Variants in FHIT observed in about 807,000 individuals in gnomAD.
The protein encoded by FHIT is fragile histidine triad diadenosine triphosphatase, also known as bis(5'-adenosyl)-triphosphatase.
A neutral mutation model predicts 17.9 loss-of-function variants in FHIT; 19 were observed. That is an observed-to-expected ratio of 1.06 (90% CI 0.74 to 1.56). The LOEUF is 1.56. Ranked by LOEUF, FHIT falls within the 40% of genes most tolerant of loss-of-function variation. The probability of loss-of-function intolerance (pLI) is 0.00; values close to 1 mark genes in which losing one functional copy is unlikely to be tolerated. For missense variants in FHIT, 248 were observed against 189.2 expected (o/e 1.31, Z -1.82); for synonymous variants, 81 against 69.7 (o/e 1.16, Z -0.81).
At chr3:59,943,374 C>T (rs762528968) in intron 7 of FHIT, among the ~76,000 whole-genome samples, 13 of 151,830 alleles carry the variant, frequency 8.6e-5, no homozygotes, top group Admixed American at 2.6e-4. Flanking sequence ...AAATCAGCAA[C>T]GAAATTGGAG....
chr3:60,931,366 TA>T (rs1361178441), intron 3 of FHIT, among the ~76,000 whole-genome samples: 2 of 152,098 alleles, frequency 1.3e-5, no homozygotes, highest in Non-Finnish European at 2.9e-5. Flanking sequence ...CAGTATAATT[TA>T]AAAAAATAAT....
intron 1 of FHIT, among the ~76,000 whole-genome samples, chr3:61,201,886 C>T (rs1296844069): frequency 6.6e-6 from 1 of 152,138 alleles, no homozygotes; most frequent in Non-Finnish European, 1.5e-5. Flanking sequence ...TCCCTTTCCA[C>T]TTCAAACACA....
chr3:60,825,851 G>A (rs948239008), intron 3 of FHIT, among the ~76,000 whole-genome samples: 2 of 152,074 alleles, frequency 1.3e-5, no homozygotes, highest in Non-Finnish European at 2.9e-5. Flanking sequence ...TATAAACAAC[G>A]GACTAGTCAA....
chr3:60,037,170 G>T lies in FHIT; in HGVS notation c.104-23018C>A, dbSNP rs186931516. 3.5e-4 allele frequency among the ~76,000 whole-genome samples: 53 copies of T among 152,254 alleles called. 1 individual carries two copies. Among genetic ancestry groups the T allele is most frequent in the African/African-American group, 1.3e-3 (53 of 41,552 alleles). On this transcript the variant is annotated intron_variant, in intron 5 of 9. Transcript: ENST00000492590. ...CGTGAATTTATCTGATTATTATTTT[G>T]CTCCATTTAGCTCATCCAATTCTTT...
intron 5 of FHIT, among the ~76,000 whole-genome samples, chr3:60,441,779 TAAA>T (rs373712445): frequency 2.4e-4 from 5 of 20,420 alleles, no homozygotes; most frequent in South Asian, 5.5e-3. Context: ...TTTATATGTA[TAAA>T]AATATATATA....
chr3:60,744,263 CAAAACAAA>C (rs782054974), intron 4 of FHIT, among the ~76,000 whole-genome samples: 18,102 of 85,746 alleles, frequency 0.21, 1,851 homozygotes, highest in East Asian at 0.59. Flanking sequence ...AAAAACAAAA[CAAAACAAA>C]AAAAAAAAAA....
rs540925198 is a variant in FHIT at position 60,152,397 on chromosome 3, G to C, written c.104-138245C>G. On this transcript the variant is annotated intron_variant, in intron 5 of 9. Coordinates refer to ENST00000492590, the MANE Select transcript of FHIT (RefSeq NM_002012.4). ...TATTACTAATGTGATGCACTAACCA[G>C]AGAGCAGAAACAAATTGAGTTGTTT... is the stretch of plus-strand genomic sequence containing the variant. Among the ~76,000 whole-genome samples, 3 of 152,270 alleles carry C rather than the reference G, an allele frequency of 2.0e-5. No homozygotes were observed. The East Asian group carries it at 5.8e-4, about 29-fold the overall frequency.
chr3:61,057,613 T>C (rs983067653), intron 2 of FHIT, among the ~76,000 whole-genome samples: 1 of 152,200 alleles, frequency 6.6e-6, no homozygotes, highest in Non-Finnish European at 1.5e-5. Flanking sequence ...CCATAAATTA[T>C]GTTACATGTT....
intron 5 of FHIT, among the ~76,000 whole-genome samples, chr3:60,200,932 A>G (rs7614564): frequency 0.15 from 22,625 of 152,080 alleles, 1,860 homozygotes; most frequent in East Asian, 0.34. Context: ...TTCAACAAAC[A>G]TCAACATTTA....
chr3:60,440,147 T>A (rs2030664293), intron 5 of FHIT, among the ~76,000 whole-genome samples: 1 of 152,040 alleles, frequency 6.6e-6, no homozygotes. Flanking sequence ...CACTGAATGG[T>A]TCCTAGGCTT....
At chr3:60,015,727 G>A (rs1700318160) in intron 5 of FHIT, among the ~76,000 whole-genome samples, 1 of 152,164 alleles carries the variant, frequency 6.6e-6, no homozygotes, top group South Asian at 2.1e-4. Flanking sequence ...TTCACACACA[G>A]CAACTCGGTG....
At chr3:59,897,518 G>T (rs544754307) in intron 8 of FHIT, among the ~76,000 whole-genome samples, 35 of 152,272 alleles carry the variant, frequency 2.3e-4, no homozygotes, top group African/African-American at 7.7e-4. Context: ...GACTCTGCCT[G>T]ACTCATCTCT....
At chr3:60,848,275 TA>T (rs1703002581) in intron 3 of FHIT, among the ~76,000 whole-genome samples, 1 of 152,206 alleles carries the variant, frequency 6.6e-6, no homozygotes, top group African/African-American at 2.4e-5. Context: ...ACAGTTCTTC[TA>T]CATTTACAGG....
chr3:60,506,058 T>G (rs530761729), intron 5 of FHIT, among the ~76,000 whole-genome samples: 1 of 152,170 alleles, frequency 6.6e-6, no homozygotes, highest in Non-Finnish European at 1.5e-5. Flanking sequence ...TAGTCTTATT[T>G]TCTTTCAATT....
intron 5 of FHIT, among the ~76,000 whole-genome samples, chr3:60,469,684 T>C (rs415175): frequency 0.51 from 77,547 of 151,880 alleles, 22,432 homozygotes; most frequent in African/African-American, 0.78. Context: ...GTCATGTTTT[T>C]CTGGAAGGTC....
chr3:60,757,341 G>A (rs1315578277), intron 4 of FHIT, among the ~76,000 whole-genome samples: 4 of 152,168 alleles, frequency 2.6e-5, no homozygotes, highest in Non-Finnish European at 5.9e-5. Context: ...ACTTTGTTTT[G>A]TTTACAGTTC....
chr3:60,688,439 T>G (rs1399692103), intron 4 of FHIT, among the ~76,000 whole-genome samples: 3 of 118,864 alleles, frequency 2.5e-5, no homozygotes, highest in East Asian at 4.1e-4. Context: ...TTTTTTTTTG[T>G]TTTTTTTTTT....
chr3:60,720,837 T>C (rs782708498), intron 4 of FHIT, among the ~76,000 whole-genome samples: 51 of 152,244 alleles, frequency 3.3e-4, no homozygotes, highest in Non-Finnish European at 6.2e-4. Context: ...GGGGCAGTAA[T>C]ATGAATACAT....
At chr3:61,203,196 A>AC (rs1159151491) in intron 1 of FHIT, among the ~76,000 whole-genome samples, 2 of 150,596 alleles carry the variant, frequency 1.3e-5, no homozygotes, top group Non-Finnish European at 3.0e-5. Context: ...AAAAAAAAAA[A>AC]AAATTAGCTG....
Sources: allele counts gnomAD v4.1 joint callset (sites outside exome capture counted in the v4.1 genomes callset), GRCh38; gene constraint gnomAD v4.1.1; transcripts MANE v1.5; gene names NCBI Gene and HGNC (gene_info 2026-07-23, HGNC 2026-07-21).